The following TCEA3 variants were observed in gnomAD, a reference collection of about 807,000 sequenced individuals.
TCEA3 encodes the protein transcription elongation factor A protein 3.
In TCEA3, 36 loss-of-function variants were observed where a neutral mutation model predicts 44.0. The observed-to-expected ratio is 0.82, with a 90% CI of 0.63 to 1.08. The LOEUF (loss-of-function observed/expected upper bound fraction) is 1.08, where lower values mean the gene tolerates loss of function less well. Among genes scored for constraint, TCEA3 ranks in the 50% least tolerant of loss-of-function variants. The probability of loss-of-function intolerance (pLI) is 0.00; values close to 1 mark genes in which losing one functional copy is unlikely to be tolerated. For missense variants in TCEA3, 392 were observed against 441.2 expected (o/e 0.89, Z 1.00); for synonymous variants, 162 against 159.7 (o/e 1.01, Z -0.11).
At chr1:23,399,164 A>ATG (rs1558043160) in intron 5 of TCEA3, among the ~76,000 whole-genome samples, 12 of 127,580 alleles carry the variant, frequency 9.4e-5, no homozygotes, top group Admixed American at 5.4e-4. Flanking sequence ...ATATATATAT[A>ATG]TATATATATA....
intron 1 of TCEA3, among the ~76,000 whole-genome samples, chr1:23,421,768 A>C (rs1444314822): frequency 6.6e-6 from 1 of 152,216 alleles, no homozygotes; most frequent in Non-Finnish European, 1.5e-5. Flanking sequence ...TTTTTAATAT[A>C]ATTTATTTAT....
intron 8 of TCEA3, among the ~76,000 whole-genome samples, chr1:23,393,254 G>A (rs966416426): frequency 4.6e-5 from 7 of 152,116 alleles, no homozygotes; most frequent in Admixed American, 2.6e-4. Flanking sequence ...ATGAAGCTTC[G>A]CTCACTTGCC....
intron 7 of TCEA3, 86 bp from the exon 8 acceptor site, chr1:23,394,119 C>A (rs895957777): frequency 6.7e-7 from 1 of 1,493,984 alleles, no homozygotes; most frequent in South Asian, 1.3e-5. Context: ...GCTCCAGAAC[C>A]CTTTCTTCCT....
At chr1:23,405,392 C>A (rs12094670) in intron 5 of TCEA3, among the ~76,000 whole-genome samples, 33 of 152,154 alleles carry the variant, frequency 2.2e-4, no homozygotes, top group African/African-American at 7.5e-4. Context: ...GTCAAGAGAT[C>A]GAGACCATCC....
At chr1:23,418,853 A>C (rs1266983353) in intron 2 of TCEA3, among the ~76,000 whole-genome samples, 1 of 151,770 alleles carries the variant, frequency 6.6e-6, no homozygotes, top group African/African-American at 2.4e-5. Context: ...GTCTTGCTCC[A>C]AGGCCCAGAG....
At chr1:23,419,180 G>C (rs1242443240) in intron 1 of TCEA3, 41 bp from the exon 2 acceptor site, 2 of 1,482,466 alleles carry the variant, frequency 1.3e-6, no homozygotes, top group Admixed American at 4.2e-5. Flanking sequence ...CCTGGGTCCT[G>C]ACCAGGCTTC....
chr1:23,405,635 T>C (rs1311189790), intron 5 of TCEA3, among the ~76,000 whole-genome samples: 2 of 152,106 alleles, frequency 1.3e-5, no homozygotes, highest in African/African-American at 2.4e-5. Context: ...TGTGTCCCTT[T>C]TGGTTTCCTA....
chr1:23,381,626 C>T (rs542563127), intron 10 of TCEA3, among the ~76,000 whole-genome samples, 152 bp from the exon 11 acceptor site: 1 of 152,326 alleles, frequency 6.6e-6, no homozygotes, highest in Admixed American at 6.5e-5. Context: ...TGATCTTGAA[C>T]AAATCACTCA....
chr1:23,393,293 G>T (rs939948040), intron 8 of TCEA3, among the ~76,000 whole-genome samples: 1 of 152,060 alleles, frequency 6.6e-6, no homozygotes, highest in African/African-American at 2.4e-5. Context: ...GTGTGGCCTG[G>T]TTCCCAACAG....
intron 1 of TCEA3, among the ~76,000 whole-genome samples, chr1:23,420,696 A>C (rs190995022): frequency 6.6e-6 from 1 of 152,350 alleles, no homozygotes; most frequent in African/African-American, 2.4e-5. Context: ...GAACCGTTCT[A>C]ATCTCTGAGA....
At chr1:23,388,655 G>A (rs1249600730) in intron 8 of TCEA3, among the ~76,000 whole-genome samples, 5 of 152,016 alleles carry the variant, frequency 3.3e-5, no homozygotes, top group Non-Finnish European at 7.4e-5. Context: ...CTAAGGGCAG[G>A]CCCAGGAATA....
At chr1:23,385,732 G>A (rs1246473978) in intron 9 of TCEA3, among the ~76,000 whole-genome samples, 1 of 152,218 alleles carries the variant, frequency 6.6e-6, no homozygotes, top group African/African-American at 2.4e-5. Flanking sequence ...GCCATTCTCT[G>A]GTTTTAAGAG....
At chr1:23,383,206 G>C (rs1458636178) in intron 10 of TCEA3, among the ~76,000 whole-genome samples, 1 of 151,498 alleles carries the variant, frequency 6.6e-6, no homozygotes. Flanking sequence ...TGTGAACCTG[G>C]GGGGTGGAGC....
At chr1:23,418,977 A>T in intron 2 of TCEA3, 100 bp downstream of exon 2, 9 of 448,168 alleles carry the variant, frequency 2.0e-5, no homozygotes, top group South Asian at 5.5e-5. Flanking sequence ...CCCCCCTCAG[A>T]AATTCCTCCC....
At chr1:23,414,065 T>C (rs1010403636) in intron 4 of TCEA3, among the ~76,000 whole-genome samples, 1 of 150,490 alleles carries the variant, frequency 6.6e-6, no homozygotes, top group African/African-American at 2.4e-5. Context: ...TTCTAGATAA[T>C]AAATGATATT....
At position 23,410,428 on chromosome 1, in the gene TCEA3, T is replaced by C. The variant is rs143948932; in HGVS notation, c.381-1702A>G. 2.9e-3 allele frequency among the ~76,000 whole-genome samples: 438 copies of C among 152,122 alleles called. 1 individual carries two copies. The highest frequency in any genetic ancestry group is 0.01 in the African/African-American group (422 of 41,524). ...ACATAAAAAAATGCTTAGAATACAATAGCAAGATAAATAAAAAGGTGACAT... is the reference window on the plus strand; with the variant it reads ...ACATAAAAAAATGCTTAGAATACAACAGCAAGATAAATAAAAAGGTGACAT... On this transcript the variant is annotated intron_variant, in intron 4 of 10. Coordinates refer to ENST00000450454, the MANE Select transcript of TCEA3 (RefSeq NM_003196.3).
chr1:23,401,762 T>C (rs1287578846), intron 5 of TCEA3, among the ~76,000 whole-genome samples: 2 of 151,846 alleles, frequency 1.3e-5, no homozygotes, highest in Non-Finnish European at 2.9e-5. Flanking sequence ...AACACAGGGG[T>C]TCCCACCCCC....
chr1:23,396,301 CCTGA>C (rs1463344147), intron 7 of TCEA3, among the ~76,000 whole-genome samples: 2 of 152,174 alleles, frequency 1.3e-5, no homozygotes, highest in East Asian at 1.9e-4. Flanking sequence ...CTTCCTGTCC[CCTGA>C]CTGTCTCCCC....
intron 5 of TCEA3, among the ~76,000 whole-genome samples, chr1:23,408,150 C>T (rs1425187797): frequency 6.6e-6 from 1 of 151,952 alleles, no homozygotes; most frequent in Non-Finnish European, 1.5e-5. Context: ...TTAGTAGAGG[C>T]GGGGTTTTGC....
Sources: allele counts gnomAD v4.1 joint callset (sites outside exome capture counted in the v4.1 genomes callset), GRCh38; gene constraint gnomAD v4.1.1; transcripts MANE v1.5; gene names NCBI Gene and HGNC (gene_info 2026-07-23, HGNC 2026-07-21).